The following RALGAPA2 variants were observed in gnomAD, a reference collection of about 807,000 sequenced individuals.
RALGAPA2 encodes Ral GTPase activating protein catalytic subunit alpha 2, also known as ral GTPase-activating protein subunit alpha-2.
A neutral mutation model predicts 230.4 loss-of-function variants in RALGAPA2; 139 were observed. The ratio of observed to expected loss-of-function variants is 0.60; its 90% CI spans 0.53 to 0.69. RALGAPA2 has a LOEUF of 0.69. Among genes scored for constraint, RALGAPA2 ranks in the 30% least tolerant of loss-of-function variants. RALGAPA2 has a pLI of 0.00. For synonymous variants in RALGAPA2, 847 were observed against 837.8 expected, an observed-to-expected ratio of 1.01 and a Z score of -0.19; for missense variants, 2,163 against 2,276.0, an observed-to-expected ratio of 0.95 and a Z score of 1.01.
chr20:20,452,225 C>T (rs774658479), intron 37 of RALGAPA2, among the ~76,000 whole-genome samples: 1 of 152,098 alleles, frequency 6.6e-6, no homozygotes, highest in Non-Finnish European at 1.5e-5. Context: ...TAAAGCAAAT[C>T]GTTTCATACA....
Position 20,524,492 on chromosome 20 carries a change from C to T in RALGAPA2, c.3814G>A (p.Val1272Met), listed in dbSNP as rs201719407. 22 of 1,613,736 alleles carry T rather than the reference C, an allele frequency of 1.4e-5. No individual in the cohort carries two copies. The highest frequency in any genetic ancestry group is 2.7e-5 in the African/African-American group (2 of 74,888). Residue 1272 changes from valine (V) to methionine (M), a missense_variant, in exon 30 of 40, where the codon GTG (valine) becomes ATG (methionine). Transcript: ENST00000202677. Reference sequence around the variant, plus strand: ...GACACGGGGTGGAGAAGGACACTCACGGGCAATGCCATGCACCAGTCCAAG... The same window carrying T: ...GACACGGGGTGGAGAAGGACACTCATGGGCAATGCCATGCACCAGTCCAAG... ...CLLDWCMALP[V>M]SVLLHPVSTA... is the part of the protein sequence containing the mutation.
intron 35 of RALGAPA2, among the ~76,000 whole-genome samples, chr20:20,500,015 T>C (rs369230892): frequency 5.9e-5 from 9 of 152,208 alleles, no homozygotes; most frequent in Non-Finnish European, 2.9e-5. Context: ...GTCTATTAAA[T>C]GTGCAATAGC....
intron 14 of RALGAPA2, among the ~76,000 whole-genome samples, chr20:20,607,390 A>G (rs571601193): frequency 6.6e-6 from 1 of 152,344 alleles, no homozygotes; most frequent in Admixed American, 6.5e-5. Flanking sequence ...TATAAAAAAC[A>G]AGATATTAAC....
intron 3 of RALGAPA2, among the ~76,000 whole-genome samples, chr20:20,655,564 G>A (rs2067559860): frequency 6.6e-6 from 1 of 151,720 alleles, no homozygotes; most frequent in Admixed American, 6.5e-5. Context: ...AGCAGCAGGA[G>A]GGTCAGTTTG....
At chr20:20,625,538 A>G (rs2066465590) in intron 10 of RALGAPA2, among the ~76,000 whole-genome samples, 1 of 152,256 alleles carries the variant, frequency 6.6e-6, no homozygotes, top group Non-Finnish European at 1.5e-5. Flanking sequence ...TAGCCTAAGT[A>G]AGACACTTTA....
chr20:20,547,431 A>G (rs1238958638), intron 23 of RALGAPA2, among the ~76,000 whole-genome samples: 2 of 152,246 alleles, frequency 1.3e-5, no homozygotes. Flanking sequence ...TTTTGCACAG[A>G]GTGCAGTGTG....
rs553312279 is a variant in RALGAPA2 at position 20,406,645 on chromosome 20, C to T, written c.5617+5382G>A. On this transcript the variant is annotated intron_variant, in intron 38 of 39. Coordinates refer to ENST00000202677, the MANE Select transcript of RALGAPA2 (RefSeq NM_020343.4). ...AAAACTTTTGGGTCAGGTGCAGTGG[C>T]ACACACCTGTAATCCTAGTACTTTG... Among the ~76,000 whole-genome samples the T allele has an allele frequency of 1.7e-4, 26 of 152,314 alleles. No homozygotes were observed. The South Asian group carries it at 5.2e-3, about 30-fold the overall frequency.
intron 4 of RALGAPA2, among the ~76,000 whole-genome samples, chr20:20,646,891 T>C (rs905657513): frequency 2.1e-5 from 1 of 47,062 alleles, no homozygotes; most frequent in African/African-American, 8.4e-5. Flanking sequence ...TGTGTTTCTA[T>C]GTACTTTTAA....
At chr20:20,508,891 GGGCAGGGGACTGCCACTCA>G (rs1381753477) in intron 33 of RALGAPA2, among the ~76,000 whole-genome samples, 2 of 152,130 alleles carry the variant, frequency 1.3e-5, no homozygotes, top group East Asian at 1.9e-4. Flanking sequence ...GTTGATCAAG[GGGCAGGGGACTGCCACTCA>G]GCTATTCAAA....
chr20:20,701,460 C>T (rs887416717), intron 1 of RALGAPA2, among the ~76,000 whole-genome samples: 24 of 152,260 alleles, frequency 1.6e-4, no homozygotes, highest in African/African-American at 5.5e-4. Context: ...TGGTGTGGGC[C>T]GGGCGCGGTG....
intron 37 of RALGAPA2, among the ~76,000 whole-genome samples, chr20:20,463,441 G>C (rs143320346): frequency 0.013 from 1,973 of 152,218 alleles, 45 homozygotes; most frequent in African/African-American, 0.046. Context: ...AAGGAGCCGT[G>C]TGATATAAGT....
chr20:20,623,802 A>G (rs1404943874), intron 10 of RALGAPA2, among the ~76,000 whole-genome samples: 1 of 152,020 alleles, frequency 6.6e-6, no homozygotes. Flanking sequence ...TGGAAGTTCT[A>G]TTTTCTTCCT....
At chr20:20,577,038 A>G (rs769518915) in intron 20 of RALGAPA2, among the ~76,000 whole-genome samples, 8 of 152,170 alleles carry the variant, frequency 5.3e-5, no homozygotes, top group Non-Finnish European at 1.2e-4. Flanking sequence ...AATAGAACAC[A>G]TTGTGTTAAT....
rs1176831208 is a variant in RALGAPA2, at chr20:20,680,260, C to T, written c.217+431G>A. On this transcript the variant is annotated intron_variant, in intron 2 of 39. Transcript: ENST00000202677. ...GATTTTCAAAGAATATAGTCACAAA[C>T]ATATATAAACATAATACATTAATAA... Among the ~76,000 whole-genome samples the T allele has an allele frequency of 3.9e-5, 6 of 152,244 alleles. No individual in the cohort carries two copies. The East Asian group carries it at 1.2e-3, about 29-fold the overall frequency.
intron 4 of RALGAPA2, among the ~76,000 whole-genome samples, chr20:20,643,816 A>G (rs185720800): frequency 4.6e-5 from 7 of 152,114 alleles, no homozygotes; most frequent in Non-Finnish European, 8.8e-5. Context: ...TTATGCGCAT[A>G]TATCTCTTGT....
At chr20:20,427,184 G>A (rs1243029543) in intron 37 of RALGAPA2, among the ~76,000 whole-genome samples, 1 of 152,200 alleles carries the variant, frequency 6.6e-6, no homozygotes, top group African/African-American at 2.4e-5. Flanking sequence ...AGCTGAAGGA[G>A]TAAATTGTAG....
intron 12 of RALGAPA2, among the ~76,000 whole-genome samples, chr20:20,617,688 C>T (rs1056555738): frequency 3.9e-5 from 6 of 152,140 alleles, no homozygotes; most frequent in Non-Finnish European, 5.9e-5. Context: ...TAAAAATAAA[C>T]CAAATTAGTA....
intron 16 of RALGAPA2, among the ~76,000 whole-genome samples, chr20:20,593,410 A>G (rs780373416): frequency 6.6e-6 from 1 of 152,240 alleles, no homozygotes; most frequent in Non-Finnish European, 1.5e-5. Flanking sequence ...TACACATCCC[A>G]AAGTACAGAC....
rs761839345 is a variant in RALGAPA2, at chr20:20,583,041, G to A, written c.2707+9C>T. The A allele has an allele frequency of 1.2e-6, 2 of 1,611,504 alleles. No homozygotes were observed. The highest frequency in any genetic ancestry group is 2.7e-5 in the African/African-American group (2 of 74,732). On this transcript the variant is annotated intron_variant, in intron 20 of 39. Coordinates refer to ENST00000202677, the MANE Select transcript of RALGAPA2 (RefSeq NM_020343.4). The stretch of plus-strand genomic sequence containing the variant: ...TGCATTAGTGCCTCTTTTTCAAAAT[G>A]CAATTTACCTGTTAAATTTGAAGCA...
Sources: allele counts gnomAD v4.1 joint callset (sites outside exome capture counted in the v4.1 genomes callset), GRCh38; gene constraint gnomAD v4.1.1; transcripts MANE v1.5; gene names NCBI Gene and HGNC (gene_info 2026-07-23, HGNC 2026-07-21).